The following XRCC2 variants were observed in gnomAD, a reference collection of about 807,000 sequenced individuals.
XRCC2 encodes DNA repair protein XRCC2.
In XRCC2, 24 loss-of-function variants were observed where a neutral mutation model predicts 27.3. The observed-to-expected ratio is 0.88, with a 90% CI of 0.64 to 1.24. XRCC2 has a LOEUF of 1.24. Among genes scored for constraint, XRCC2 ranks in the 50% most tolerant of loss-of-function variants. XRCC2 has a pLI of 0.00. For synonymous variants in XRCC2, 106 were observed against 115.4 expected, an observed-to-expected ratio of 0.92 and a Z score of 0.52; for missense variants, 321 against 325.8, an observed-to-expected ratio of 0.99 and a Z score of 0.11.
intron 2 of XRCC2, among the ~76,000 whole-genome samples, chr7:152,651,768 C>T (rs930532989): frequency 4.6e-5 from 7 of 151,732 alleles, no homozygotes; most frequent in Admixed American, 1.3e-4. Flanking sequence ...CCTGCCTCAG[C>T]CTCCCAAAGT....
intron 1 of XRCC2, among the ~76,000 whole-genome samples, chr7:152,664,982 C>T (rs1409874133): frequency 1.3e-5 from 2 of 151,450 alleles, no homozygotes; most frequent in East Asian, 2.0e-4. Flanking sequence ...TAGACCAGTA[C>T]GGGAAAATTG....
At chr7:152,663,875 A>G (rs913150597) in intron 1 of XRCC2, 3 of 151,512 alleles carry the variant, frequency 2.0e-5, no homozygotes, top group African/African-American at 7.3e-5. Context: ...TCTGTTTACA[A>G]GAGAACTTTG....
At chr7:152,673,832 C>T (rs962257347) in intron 1 of XRCC2, among the ~76,000 whole-genome samples, 26 of 151,848 alleles carry the variant, frequency 1.7e-4, no homozygotes, top group African/African-American at 5.8e-4. Flanking sequence ...GCCAAGATCG[C>T]GCCACTGCAC....
chr7:152,655,848 T>C (rs537423642), intron 2 of XRCC2, among the ~76,000 whole-genome samples: 3 of 151,970 alleles, frequency 2.0e-5, no homozygotes, highest in Admixed American at 6.6e-5. Context: ...CTGTCTCTAC[T>C]AAAAATACAA....
intron 2 of XRCC2, among the ~76,000 whole-genome samples, chr7:152,659,898 T>C (rs1472381481): frequency 1.3e-5 from 2 of 152,086 alleles, no homozygotes; most frequent in African/African-American, 4.8e-5. Context: ...AACCCAAATG[T>C]CCATCAGCTA....
chr7:152,656,416 G>A (rs2098030729), intron 2 of XRCC2, among the ~76,000 whole-genome samples: 1 of 152,006 alleles, frequency 6.6e-6, no homozygotes, highest in Admixed American at 6.6e-5. Flanking sequence ...GTTTACAATG[G>A]CATTGAGACT....
In XRCC2 at chr7:152,645,434, GC is replaced by G. The variant is rs1223097893; in HGVS notation, c.*3207del. Reference sequence around the variant, plus strand: ...TAAAATTCTATTTTTTAATTCTGTTGCTGGTACTTAGAAAAACTTAAATGTT... The same window carrying G: ...TAAAATTCTATTTTTTAATTCTGTTGTGGTACTTAGAAAAACTTAAATGTT... On this transcript the variant is annotated 3_prime_UTR_variant, in exon 3 of 3. Transcript: ENST00000359321. 1 of 151,934 alleles carries G rather than the reference GC, an allele frequency of 6.6e-6. No individual in the cohort carries two copies. Among genetic ancestry groups the G allele is most frequent in the Non-Finnish European group, 1.5e-5 (1 of 67,980 alleles). 9.4% of individuals were successfully genotyped at this position (151,934 alleles called of 1,614,324 possible).
intron 1 of XRCC2, among the ~76,000 whole-genome samples, chr7:152,663,658 G>T (rs2098034311): frequency 6.6e-6 from 1 of 152,158 alleles, no homozygotes; most frequent in Non-Finnish European, 1.5e-5. Context: ...GGGAAACATG[G>T]CGAAACCCTG....
chr7:152,665,646 A>AT (rs1232608654), intron 1 of XRCC2, among the ~76,000 whole-genome samples: 8 of 151,640 alleles, frequency 5.3e-5, no homozygotes, highest in South Asian at 2.1e-4. Context: ...TGTCCAGCTA[A>AT]TTTTTTTTGT....
intron 2 of XRCC2, among the ~76,000 whole-genome samples, chr7:152,658,357 G>C (rs566756149): frequency 3.9e-5 from 6 of 152,058 alleles, no homozygotes; most frequent in Admixed American, 2.6e-4. Context: ...TCACCATGTC[G>C]GCCAGGCTGG....
chr7:152,666,952 G>A (rs75889023), intron 1 of XRCC2, among the ~76,000 whole-genome samples: 2,188 of 152,158 alleles, frequency 0.014, 45 homozygotes, highest in African/African-American at 0.049. Context: ...GAAAGAGCAC[G>A]TGGAAACAAC....
rs1454715985 is a variant in XRCC2, at chr7:152,649,050, A to G, written c.435T>C (p.Leu145=). 1.2e-6 allele frequency: 2 copies of G among 1,614,146 alleles called. No individual in the cohort carries two copies. The highest frequency in any genetic ancestry group is 2.2e-5 in the East Asian group (1 of 44,880). The stretch of plus-strand genomic sequence containing the variant: ...AAGCTGACAGGCTATCCAAAATCAA[A>G]AGGCAGAGAGATGGGTGACTACAAA... ...SMFCSHPSLC[L]LILDSLSAFY... The change falls in exon 3 of 3, where the codon CTT becomes CTC. Residue 145 remains leucine (L), a synonymous_variant. Transcript: ENST00000359321.
At chr7:152,674,324 A>G (rs1479566833) in intron 1 of XRCC2, among the ~76,000 whole-genome samples, 5 of 152,176 alleles carry the variant, frequency 3.3e-5, no homozygotes, top group African/African-American at 9.7e-5. Context: ...TCATTTAAAT[A>G]TAAGGTTTTG....
rs1447080180 is a variant in XRCC2 at position 152,646,962 on chromosome 7, T to C, written c.*1680A>G. On this transcript the variant is annotated 3_prime_UTR_variant, in exon 3 of 3. Transcript: ENST00000359321. ...AGATTGCTGGGTTGAATGGTATCTCTGTCTTTATCCCCACACTGTCTTCCA... is the reference window on the plus strand; with the variant it reads ...AGATTGCTGGGTTGAATGGTATCTCCGTCTTTATCCCCACACTGTCTTCCA... 1 of 152,256 alleles carries C rather than the reference T, an allele frequency of 6.6e-6. No homozygotes were observed. Among genetic ancestry groups the C allele is most frequent in the Non-Finnish European group, 1.5e-5 (1 of 68,054 alleles). The allele number at this position is 152,256 out of a possible 1,614,324, so 9.4% of individuals were successfully genotyped here.
rs2098026581 is a variant in XRCC2, at chr7:152,647,582, A to G, written c.*1060T>C. 6.6e-6 allele frequency: 1 copy of G among 152,194 alleles called. No individual in the cohort carries two copies. The highest frequency in any genetic ancestry group is 2.1e-4 in the South Asian group (1 of 4,828). 9.4% of individuals were successfully genotyped at this position (152,194 alleles called of 1,614,324 possible). ...TTGAGTTAATTTTTGTATATGGCAT[A>G]AGGAAGGCGTCCATTTTCAATCTTT... On this transcript the variant is annotated 3_prime_UTR_variant, in exon 3 of 3. Coordinates refer to ENST00000359321, the MANE Select transcript of XRCC2 (RefSeq NM_005431.2).
intron 1 of XRCC2, among the ~76,000 whole-genome samples, chr7:152,670,988 G>A (rs1225633598): frequency 6.6e-6 from 1 of 152,160 alleles, no homozygotes; most frequent in Non-Finnish European, 1.5e-5. Context: ...GCCAAGGCGG[G>A]CAGATCACCT....
chr7:152,654,685 C>T (rs3218503), intron 2 of XRCC2, among the ~76,000 whole-genome samples: 1 of 152,226 alleles, frequency 6.6e-6, no homozygotes, highest in African/African-American at 2.4e-5. Flanking sequence ...TCTAGAGTAA[C>T]AGCAAGGACA....
chr7:152,674,741 A>T (rs1173108302), intron 1 of XRCC2, among the ~76,000 whole-genome samples: 1 of 96,126 alleles, frequency 1.0e-5, no homozygotes, highest in Non-Finnish European at 2.2e-5. Flanking sequence ...TTATATATAA[A>T]TATATTTTTA....
rs143357617 is a variant in XRCC2, at chr7:152,648,807, A to C, written c.678T>G (p.Tyr226Ter). The C allele has an allele frequency of 4.3e-6, 7 of 1,614,042 alleles. No individual in the cohort carries two copies. The highest frequency in any genetic ancestry group is 5.9e-6 in the Non-Finnish European group (7 of 1,180,036). ...CCAGTTGCTGCCATGCCTTACAGAGATAAGGTCTGTAGTCTATGTCCACAT... is the reference window on the plus strand; with the variant it reads ...CCAGTTGCTGCCATGCCTTACAGAGCTAAGGTCTGTAGTCTATGTCCACAT... ...LCDVDIDYRP[Y>*]LCKAWQQLVK... is the part of the protein sequence containing the mutation. Residue 226 changes from tyrosine to a stop codon, truncating the protein, a stop_gained, in exon 3 of 3, where the codon TAT (tyrosine) becomes TAG (stop). Transcript: ENST00000359321. LOFTEE classifies it high-confidence loss of function.
Sources: allele counts gnomAD v4.1 joint callset (sites outside exome capture counted in the v4.1 genomes callset), GRCh38; gene constraint gnomAD v4.1.1; transcripts MANE v1.5; gene names NCBI Gene and HGNC (gene_info 2026-07-23, HGNC 2026-07-21).